The following RPUSD3 variants were observed in gnomAD, a reference collection of about 807,000 sequenced individuals.
The protein encoded by RPUSD3 is mitochondrial mRNA pseudouridine synthase RPUSD3.
In RPUSD3, 36 loss-of-function variants were observed where a neutral mutation model predicts 35.1. The ratio of observed to expected loss-of-function variants is 1.02; its 90% CI spans 0.79 to 1.35. The LOEUF (loss-of-function observed/expected upper bound fraction) is 1.35, where lower values mean the gene tolerates loss of function less well. RPUSD3 is among the 40% of genes most tolerant of loss of function. RPUSD3 has a pLI of 0.00. For missense variants in RPUSD3, 486 were observed against 441.9 expected (o/e 1.10, Z -0.89); for synonymous variants, 202 against 187.8 (o/e 1.08, Z -0.62).
chr3:9,843,449 G>A lies in RPUSD3; in HGVS notation c.262+16C>T, dbSNP rs767332897. 4 of 1,613,198 alleles carry A rather than the reference G, an allele frequency of 2.5e-6. No individual in the cohort carries two copies. The African/African-American group carries it at 5.3e-5, about 22-fold the overall frequency. On this transcript the variant is annotated intron_variant, in intron 2 of 8. Coordinates refer to ENST00000383820, the Ensembl canonical transcript of RPUSD3. ...CCCCTCCCGGTCCTTGTGCGGCCGT[G>A]CCTCTCACCCCTCACCTTTCCGGTC...
intron 7 of RPUSD3, chr3:9,839,582 G>GTTT (rs146337360): frequency 4.8e-5 from 7 of 144,704 alleles, no homozygotes; most frequent in Non-Finnish European, 7.6e-5. Context: ...GCCAAGTGCA[G>GTTT]TTTTTTTTTT....
exon 9 of RPUSD3, chr3:9,837,955 A>G: frequency 6.8e-7 from 1 of 1,480,334 alleles, no homozygotes; most frequent in East Asian, 2.5e-5. Flanking sequence ...GGTTTGTCTG[A>G]CTGCAGAGCC....
intron 8 of RPUSD3, 98 bp from the exon 9 acceptor site, chr3:9,838,305 A>T (rs1171864138): frequency 1.7e-6 from 2 of 1,162,058 alleles, no homozygotes; most frequent in Non-Finnish European, 2.5e-6. Context: ...CGCTTCCTCC[A>T]TTCCCCACTG....
Position 9,842,160 on chromosome 3 carries a change from C to T in RPUSD3, c.307+39G>A, listed in dbSNP as rs376013783. On this transcript the variant is annotated intron_variant, in intron 3 of 8. Coordinates refer to ENST00000383820, the Ensembl canonical transcript of RPUSD3. ...TTTCCCTCCCTCAGTCACGAAACCC[C>T]CTTCCGCTGCATTCCCTTCCCACAT... 14 of 1,613,810 alleles carry T rather than the reference C, an allele frequency of 8.7e-6. No homozygotes were observed. In the African/African-American group the frequency reaches 1.7e-4, roughly 20 times the overall value.
At chr3:9,842,214 C>G (rs888113017) in exon 3 of RPUSD3, 6 of 1,614,090 alleles carry the variant, frequency 3.7e-6, no homozygotes, top group Non-Finnish European at 5.1e-6. Context: ...ACTGGTAGAC[C>G]CTGTGGCTTG....
chr3:9,839,888 T>G, intron 7 of RPUSD3: 1 of 207,322 alleles, frequency 4.8e-6, no homozygotes, highest in Non-Finnish European at 9.4e-6. Flanking sequence ...CAAGTGCAGT[T>G]TTTTTTTTTT....
chr3:9,843,547 C>A, exon 2 of RPUSD3: 1 of 1,613,872 alleles, frequency 6.2e-7, no homozygotes, highest in Non-Finnish European at 8.5e-7. Context: ...CCGCGAAGGG[C>A]TGGTCCCCGA....
intron 4 of RPUSD3, 86 bp downstream of exon 4, chr3:9,841,897 A>G (rs756933127): frequency 2.7e-6 from 3 of 1,107,582 alleles, no homozygotes; most frequent in Admixed American, 2.1e-5. Context: ...TCCCATGGAA[A>G]ATGTCTCAGC....
rs755463507 is a variant in RPUSD3 at position 9,839,113 on chromosome 3, G to A, written c.783C>T (p.Asp261=). Residue 261 remains aspartate, a synonymous_variant, in exon 8 of 9, where the codon GAC becomes GAT. Coordinates refer to ENST00000383820, the Ensembl canonical transcript of RPUSD3. ...TGCCCACACGGGCAGAGTACATGTG[G>A]TCCCCAAGCACAGGGCAGAGCTGTA... The A allele has an allele frequency of 3.1e-6, 5 of 1,614,064 alleles. No homozygotes were observed. The Middle Eastern group carries it at 4.9e-4, about 159-fold the overall frequency.
intron 6 of RPUSD3, 67 bp downstream of exon 6, chr3:9,840,465 C>T: frequency 6.3e-7 from 1 of 1,595,862 alleles, no homozygotes; most frequent in Non-Finnish European, 8.6e-7. Flanking sequence ...AAATCCATAC[C>T]CCTGACTCCT....
chr3:9,843,900 T>C (rs2082141654), exon 1 of RPUSD3: 1 of 1,604,694 alleles, frequency 6.2e-7, no homozygotes, highest in East Asian at 2.2e-5. Context: ...CGGGCTTCGG[T>C]GCCAAAGCCT....
In RPUSD3 at chr3:9,843,591, G is replaced by A. The variant is rs1237463814; in HGVS notation, c.136C>T (p.Gln46Ter). Residue 46 changes from glutamine (Q) to a stop codon, truncating the protein, a stop_gained, in exon 2 of 9, where the codon CAA (glutamine) becomes TAA (stop). Transcript: ENST00000383820. LOFTEE classifies it high-confidence loss of function. The stretch of plus-strand genomic sequence containing the variant: ...GACCGTTGGCAGGAGCCGCGGGGTT[G>A]CCTCTGATGCCTGGACAAGGAGGGA... The A allele has an allele frequency of 6.2e-7, 1 of 1,613,660 alleles. No homozygotes were observed. Among genetic ancestry groups the A allele is most frequent in the Non-Finnish European group, 8.5e-7 (1 of 1,179,958 alleles).
chr3:9,843,336 C>T, intron 2 of RPUSD3, 129 bp downstream of exon 2: 1 of 1,380,358 alleles, frequency 7.2e-7, no homozygotes, highest in Admixed American at 2.0e-5. Flanking sequence ...AATTAGGTGG[C>T]TTGTCCCAGC....
rs1431082910 is a variant in RPUSD3, at chr3:9,842,379, C to A, written c.263-136G>T. ...ACTCTCAGACATGAGTTAACTACCC[C>A]ACACCAAATTCAACTTCTTTCTGTT... On this transcript the variant is annotated intron_variant, in intron 2 of 8. Transcript: ENST00000383820. 3 of 842,838 alleles carry A rather than the reference C, an allele frequency of 3.6e-6. No homozygotes were observed. The African/African-American group carries it at 5.0e-5, about 14-fold the overall frequency. The allele number at this position is 842,838 out of a possible 1,614,324, so 52.2% of individuals were successfully genotyped here. A position where few individuals can be genotyped will look rare whatever the true frequency, so the allele number is the denominator to read the frequency against.
chr3:9,842,030 G>T (rs779893186), exon 4 of RPUSD3: 1 of 1,613,730 alleles, frequency 6.2e-7, no homozygotes, highest in East Asian at 2.2e-5. Flanking sequence ...TGAGCCCTAG[G>T]GACTGGCTCA....
chr3:9,842,147 A>G (rs1017686223), intron 3 of RPUSD3, 52 bp downstream of exon 3: 4 of 1,612,928 alleles, frequency 2.5e-6, no homozygotes, highest in Admixed American at 1.7e-5. Context: ...TCCCTCCCTC[A>G]GTCACGAAAC....
At position 9,838,419 on chromosome 3, in the gene RPUSD3, C is replaced by T. The variant is rs543826257; in HGVS notation, c.865-212G>A. On this transcript the variant is annotated intron_variant, in intron 8 of 8. Transcript: ENST00000383820. Reference sequence around the variant, plus strand: ...GCTAGGGGGTCACCCAATCAGTTTCCTCCTAGGCACACACCTCAACTCCAT... The same window carrying T: ...GCTAGGGGGTCACCCAATCAGTTTCTTCCTAGGCACACACCTCAACTCCAT... Among the ~76,000 whole-genome samples, 9 of 152,302 alleles carry T rather than the reference C, an allele frequency of 5.9e-5. No homozygotes were observed. The East Asian group carries it at 7.7e-4, about 13-fold the overall frequency.
At position 9,842,399 on chromosome 3, in the gene RPUSD3, T is replaced by C. The variant is rs569136151; in HGVS notation, c.263-156A>G. The C allele has an allele frequency of 5.5e-6, 4 of 727,462 alleles. No individual in the cohort carries two copies. The East Asian group carries it at 1.1e-4, about 19-fold the overall frequency. 45.1% of individuals were successfully genotyped at this position (727,462 alleles called of 1,614,324 possible). Reference sequence around the variant, plus strand: ...TACCCCACACCAAATTCAACTTCTTTCTGTTCCTCTGCCACCTCAGAGCCT... The same window carrying C: ...TACCCCACACCAAATTCAACTTCTTCCTGTTCCTCTGCCACCTCAGAGCCT... On this transcript the variant is annotated intron_variant, in intron 2 of 8. Coordinates refer to ENST00000383820, the Ensembl canonical transcript of RPUSD3.
At chr3:9,843,685 C>G (rs745444752) in intron 1 of RPUSD3, 84 bp from the exon 2 acceptor site, 2 of 1,561,946 alleles carry the variant, frequency 1.3e-6, no homozygotes, top group African/African-American at 1.4e-5. Flanking sequence ...TTCCCAAATC[C>G]TGCGGCCTCT....
Sources: gnomAD v4.1 joint callset for allele counts (sites outside exome capture counted in the v4.1 genomes callset) on GRCh38, gnomAD v4.1.1 for gene constraint, MANE v1.5 for transcripts, NCBI Gene and HGNC (gene_info 2026-07-23, HGNC 2026-07-21) for gene names.